Variants in MON2 observed in about 807,000 individuals in gnomAD.
The protein encoded by MON2 is protein MON2 homolog.
MON2 carries 84 observed loss-of-function variants against 208.6 expected under a neutral mutation model. The observed-to-expected ratio is 0.40, with a 90% CI of 0.34 to 0.48. The LOEUF (loss-of-function observed/expected upper bound fraction) is 0.48. Ranked by LOEUF, MON2 falls within the 20% of genes least tolerant of loss-of-function variation. MON2 has a pLI of 0.59. For synonymous variants in MON2, 660 were observed against 694.0 expected (o/e 0.95, Z 0.77); for missense variants, 1,611 against 2,015.4 (o/e 0.80, Z 3.84).
intron 32 of MON2, among the ~76,000 whole-genome samples, chr12:62,582,089 C>T (rs749079972): frequency 2.2e-4 from 34 of 151,942 alleles, no homozygotes; most frequent in Non-Finnish European, 3.8e-4. Context: ...AATTTTAAAC[C>T]CCGCTTATCT....
chr12:62,470,702 T>C, intron 1 of MON2: 1 of 1,150,326 alleles, frequency 8.7e-7, no homozygotes, highest in Non-Finnish European at 1.1e-6. Context: ...TATTTGCAGG[T>C]ACAGATGAGG....
chr12:62,557,459 A>G (rs889829944), intron 25 of MON2, among the ~76,000 whole-genome samples: 3 of 152,216 alleles, frequency 2.0e-5, no homozygotes, highest in Non-Finnish European at 2.9e-5. Context: ...AAAGAATTAT[A>G]CAACCAGAAA....
intron 19 of MON2, among the ~76,000 whole-genome samples, chr12:62,541,686 T>C: frequency 6.6e-6 from 1 of 152,210 alleles, no homozygotes; most frequent in East Asian, 1.9e-4. Context: ...GCTCTGTTCT[T>C]AAATACTTTG....
At chr12:62,511,188 A>C (rs532119682) in intron 8 of MON2, among the ~76,000 whole-genome samples, 1 of 152,350 alleles carries the variant, frequency 6.6e-6, no homozygotes, top group Non-Finnish European at 1.5e-5. Context: ...TAATCTAAAG[A>C]GATCTATGAA....
intron 7 of MON2, among the ~76,000 whole-genome samples, chr12:62,503,399 C>G (rs2070940690): frequency 2.0e-5 from 3 of 152,194 alleles, no homozygotes. Flanking sequence ...TACAATTATT[C>G]TAGTCTAAGC....
chr12:62,586,149 T>A (rs115854846), intron 33 of MON2, among the ~76,000 whole-genome samples: 1 of 152,312 alleles, frequency 6.6e-6, no homozygotes, highest in Admixed American at 6.5e-5. Context: ...ACTTTTATAA[T>A]GTGGAAATTA....
chr12:62,585,103 ACACACAC>A (rs1565714773), intron 32 of MON2, among the ~76,000 whole-genome samples, 184 bp from the exon 33 acceptor site: 1,240 of 59,670 alleles, frequency 0.021, 22 homozygotes, highest in Non-Finnish European at 0.03. Context: ...ACACACACAC[ACACACAC>A]AAAACAAAAA....
At chr12:62,558,836 A>G (rs946122612) in intron 25 of MON2, among the ~76,000 whole-genome samples, 1 of 151,852 alleles carries the variant, frequency 6.6e-6, no homozygotes, top group African/African-American at 2.4e-5. Context: ...AGCTGGGATT[A>G]CAGGTGCCCA....
chr12:62,558,470 T>G (rs557211077), intron 25 of MON2, among the ~76,000 whole-genome samples: 2 of 152,268 alleles, frequency 1.3e-5, no homozygotes, highest in Admixed American at 1.3e-4. Context: ...ATAGAGAAAT[T>G]GCAGGAGTTT....
chr12:62,526,371 T>G (rs552912259), intron 11 of MON2, among the ~76,000 whole-genome samples: 2 of 152,316 alleles, frequency 1.3e-5, no homozygotes, highest in Non-Finnish European at 2.9e-5. Context: ...GCTTTTTGGT[T>G]TAAGTATATG....
chr12:62,536,686 GTTTT>G (rs912936345), intron 14 of MON2, among the ~76,000 whole-genome samples: 8 of 146,958 alleles, frequency 5.4e-5, no homozygotes, highest in Non-Finnish European at 9.0e-5. Flanking sequence ...AAGTTTTTGT[GTTTT>G]TTTGTTTTTT....
In MON2 at chr12:62,495,066, T is replaced by C. The variant is rs774456217; in HGVS notation, c.354T>C (p.Ser118=). ...INMLWQLMEN[S]LEELKLLQTV... ...TGCTTTGGCAGCTAATGGAGAATAG[T>C]CTTGAAGAACTTAAGCTACTTCAAA... Residue 118 remains serine (S), a synonymous_variant, in exon 4 of 35, where the codon AGT becomes AGC. Coordinates refer to ENST00000393630, the MANE Select transcript of MON2 (RefSeq NM_015026.3). The C allele has an allele frequency of 2.5e-6, 4 of 1,610,988 alleles. No individual in the cohort carries two copies. In the South Asian group the frequency reaches 4.4e-5, roughly 18 times the overall value.
At chr12:62,575,034 G>T (rs1003406319) in intron 30 of MON2, among the ~76,000 whole-genome samples, 2 of 152,172 alleles carry the variant, frequency 1.3e-5, no homozygotes, top group South Asian at 4.1e-4. Flanking sequence ...GCTGAGGTGG[G>T]ATGATCACTT....
rs1218488613 is a variant in MON2 at position 62,560,538 on chromosome 12, G to T, written c.3457G>T (p.Ala1153Ser). Residue 1153 changes from alanine to serine, a missense_variant, in exon 26 of 35, where the codon GCA becomes TCA. Physicochemically the swap from Ala to Ser is moderately conservative, Grantham distance 99. Coordinates refer to ENST00000393630, the MANE Select transcript of MON2 (RefSeq NM_015026.3). ...WDVLLDHIQS[A>S]ALSKNNEVSL... ...TGTTCTTCTTGACCATATACAGTCA[G>T]CAGCACTCAGCAAAAACAATGAAGT... 1 of 1,613,696 alleles carries T rather than the reference G, an allele frequency of 6.2e-7. No individual in the cohort carries two copies. Among genetic ancestry groups the T allele is most frequent in the East Asian group, 2.2e-5 (1 of 44,852 alleles).
intron 23 of MON2, among the ~76,000 whole-genome samples, chr12:62,552,664 G>A (rs900388437): frequency 3.3e-5 from 5 of 151,084 alleles, no homozygotes; most frequent in Admixed American, 2.6e-4. Context: ...AAAAAAAAAA[G>A]TTAGCTCAAG....
chr12:62,474,850 C>T (rs1286821996), intron 1 of MON2, among the ~76,000 whole-genome samples: 1 of 152,156 alleles, frequency 6.6e-6, no homozygotes, highest in African/African-American at 2.4e-5. Context: ...TCTTCTCTCC[C>T]TCATCTCTCT....
intron 19 of MON2, among the ~76,000 whole-genome samples, chr12:62,540,625 A>G (rs2073191670): frequency 6.6e-6 from 1 of 152,212 alleles, no homozygotes; most frequent in Non-Finnish European, 1.5e-5. Flanking sequence ...ATTTTTAAGG[A>G]AGGCTTGGGA....
chr12:62,489,930 GAA>G, intron 2 of MON2: 1 of 515,634 alleles, frequency 1.9e-6, no homozygotes, highest in Non-Finnish European at 2.9e-6. Context: ...CATAAGAATT[GAA>G]GTTTATTTTT....
chr12:62,532,739 T>C (rs2072714560), intron 12 of MON2, 69 bp downstream of exon 12: 1 of 1,164,228 alleles, frequency 8.6e-7, no homozygotes, highest in Admixed American at 2.0e-5. Flanking sequence ...AATTGTAGTC[T>C]TTATAAATCT....
Sources: gnomAD v4.1 joint callset for allele counts (sites outside exome capture counted in the v4.1 genomes callset) on GRCh38, gnomAD v4.1.1 for gene constraint, MANE v1.5 for transcripts, NCBI Gene and HGNC (gene_info 2026-07-23, HGNC 2026-07-21) for gene names.